Variants in SND1 observed in about 807,000 individuals in gnomAD.
SND1 encodes the protein staphylococcal nuclease domain-containing protein 1.
A neutral mutation model predicts 121.7 loss-of-function variants in SND1; 38 were observed. The ratio of observed to expected loss-of-function variants is 0.31; its 90% CI spans 0.24 to 0.41. The LOEUF (loss-of-function observed/expected upper bound fraction) is 0.41. Among genes scored for constraint, SND1 ranks in the 10% least tolerant of loss-of-function variants. The pLI is 1.00. For missense variants in SND1, 868 were observed against 1,184.6 expected, an observed-to-expected ratio of 0.73 and a Z score of 3.92; for synonymous variants, 401 against 447.4, an observed-to-expected ratio of 0.90 and a Z score of 1.31.
chr7:127,959,250 G>A (rs1161878946), intron 15 of SND1, among the ~76,000 whole-genome samples: 2 of 152,212 alleles, frequency 1.3e-5, no homozygotes, highest in African/African-American at 2.4e-5. Context: ...ACTCTGCAGT[G>A]TGCTAGCCAG....
chr7:127,919,390 CTT>C (rs1176354633), intron 14 of SND1, among the ~76,000 whole-genome samples: 1 of 152,102 alleles, frequency 6.6e-6, no homozygotes, highest in Non-Finnish European at 1.5e-5. Context: ...CATCAGATGT[CTT>C]TTAAATTTTT....
intron 2 of SND1, among the ~76,000 whole-genome samples, chr7:127,689,837 C>T (rs761671725): frequency 1.3e-5 from 2 of 151,892 alleles, no homozygotes; most frequent in Non-Finnish European, 2.9e-5. Flanking sequence ...TTTGGTTTTC[C>T]TCCTATTGTA....
rs1795980444 is a variant in SND1 at position 127,694,894 on chromosome 7, A to G, written c.295A>G (p.Ile99Val). The change falls in exon 3 of 24, where the codon ATA becomes GTA. Residue 99 changes from isoleucine (I) to valine (V), a missense_variant. Transcript: ENST00000354725. ...GATTGGGAAGGAAGTCTGTTTCACG[A>G]TAGAAAACAAGACTCCCCAGGGGCG... ...KLIGKEVCFT[I>V]ENKTPQGREY... 1.2e-6 allele frequency: 2 copies of G among 1,613,886 alleles called. No individual in the cohort carries two copies. The highest frequency in any genetic ancestry group is 2.7e-5 in the African/African-American group (2 of 74,926).
At chr7:127,825,680 A>G (rs960948906) in intron 11 of SND1, among the ~76,000 whole-genome samples, 4 of 151,822 alleles carry the variant, frequency 2.6e-5, no homozygotes, top group African/African-American at 9.7e-5. Context: ...GTGTGGGATT[A>G]CAGGCGTGAG....
At chr7:127,726,532 G>A (rs1047255009) in intron 10 of SND1, among the ~76,000 whole-genome samples, 1 of 152,186 alleles carries the variant, frequency 6.6e-6, no homozygotes, top group African/African-American at 2.4e-5. Context: ...GAAAGGCTGT[G>A]GGTTTTCTGA....
intron 16 of SND1, among the ~76,000 whole-genome samples, chr7:128,051,251 G>T (rs1169483913): frequency 1.3e-5 from 2 of 152,170 alleles, no homozygotes; most frequent in Non-Finnish European, 2.9e-5. Flanking sequence ...AAAGGCAGAG[G>T]CCCAGGAAAG....
chr7:127,773,748 A>C (rs1053047001), intron 10 of SND1, among the ~76,000 whole-genome samples: 2 of 152,130 alleles, frequency 1.3e-5, no homozygotes, highest in Non-Finnish European at 2.9e-5. Context: ...TTAAAATTCT[A>C]CTTTTTTGAA....
intron 10 of SND1, among the ~76,000 whole-genome samples, chr7:127,784,988 G>A (rs1181926354): frequency 6.6e-6 from 1 of 152,026 alleles, no homozygotes; most frequent in African/African-American, 2.4e-5. Context: ...GCACAATCAC[G>A]GCTTACTGTA....
intron 15 of SND1, among the ~76,000 whole-genome samples, chr7:127,958,802 C>A (rs546148723): frequency 6.6e-6 from 1 of 152,132 alleles, no homozygotes; most frequent in East Asian, 1.9e-4. Flanking sequence ...CACTGGACAA[C>A]TTTTGGGAGG....
At chr7:128,034,461 C>T (rs1047798446) in intron 16 of SND1, among the ~76,000 whole-genome samples, 1 of 152,144 alleles carries the variant, frequency 6.6e-6, no homozygotes, top group African/African-American at 2.4e-5. Flanking sequence ...GTCTGGATGG[C>T]AGCGATTAAG....
intron 12 of SND1, among the ~76,000 whole-genome samples, chr7:127,876,057 C>T (rs1799683545): frequency 1.3e-5 from 2 of 152,136 alleles, no homozygotes; most frequent in Non-Finnish European, 2.9e-5. Flanking sequence ...TAGAATAGTG[C>T]TCAGTAAACT....
chr7:127,800,071 A>T (rs1052321450), intron 10 of SND1, among the ~76,000 whole-genome samples: 1 of 152,314 alleles, frequency 6.6e-6, no homozygotes, highest in African/African-American at 2.4e-5. Flanking sequence ...TGTCTCCTGG[A>T]TGCCAAGGGA....
chr7:127,676,872 G>T (rs1795626283), intron 1 of SND1, among the ~76,000 whole-genome samples: 1 of 152,172 alleles, frequency 6.6e-6, no homozygotes, highest in African/African-American at 2.4e-5. Context: ...CTCCCAAGTA[G>T]CTGGGATTAC....
intron 2 of SND1, among the ~76,000 whole-genome samples, chr7:127,691,436 C>T (rs1431270408): frequency 4.6e-5 from 7 of 151,524 alleles, no homozygotes; most frequent in Non-Finnish European, 5.9e-5. Flanking sequence ...CCCGGCTACT[C>T]GGGAGGCTGA....
rs1160646146 is a variant in SND1 at position 128,029,695 on chromosome 7, G to T, written c.1779+38639G>T. The T allele has an allele frequency of 6.2e-7, 1 of 1,613,908 alleles. No individual in the cohort carries two copies. Among genetic ancestry groups the T allele is most frequent in the East Asian group, 2.2e-5 (1 of 44,874 alleles). On this transcript the variant is annotated intron_variant, in intron 16 of 23. Coordinates refer to ENST00000354725, the MANE Select transcript of SND1 (RefSeq NM_014390.4). The surrounding 1 kb of genome is among the most constrained non-coding windows in gnomAD (Gnocchi z 4.2). ...GTGGAATTGGTGGGTATATACTCTC[G>T]AAGCCACCAGGCTAGCCACAGAATG...
intron 16 of SND1, among the ~76,000 whole-genome samples, chr7:128,026,628 C>T (rs986817647): frequency 5.9e-5 from 9 of 152,218 alleles, no homozygotes; most frequent in Non-Finnish European, 1.0e-4. Flanking sequence ...AGCAACACTG[C>T]CTGTGGGAAA....
At chr7:127,706,253 C>CT (rs1796195305) in intron 8 of SND1, among the ~76,000 whole-genome samples, 2 of 31,522 alleles carry the variant, frequency 6.3e-5, no homozygotes, top group Non-Finnish European at 1.1e-4. Context: ...TGCCCCCCCT[C>CT]CCCCCCCCCA....
intron 10 of SND1, among the ~76,000 whole-genome samples, chr7:127,790,771 C>T (rs6467152): frequency 0.22 from 32,758 of 152,096 alleles, 4,258 homozygotes; most frequent in African/African-American, 0.37. Flanking sequence ...AATTCACAGA[C>T]GGCTTCCTGG....
At position 127,671,482 on chromosome 7, in the gene SND1, C is replaced by T. The variant is rs374273343; in HGVS notation, c.79-15131C>T. On this transcript the variant is annotated intron_variant, in intron 1 of 23. Coordinates refer to ENST00000354725, the MANE Select transcript of SND1 (RefSeq NM_014390.4). ...GATCAATACCTGACCTTGTTCTATG[C>T]GCACGCTCCTGGTTTATTTGTTTGT... Among the ~76,000 whole-genome samples, 25 of 152,244 alleles carry T rather than the reference C, an allele frequency of 1.6e-4. No individual in the cohort carries two copies. The East Asian group carries it at 2.5e-3, about 15-fold the overall frequency.
Sources: gnomAD v4.1 joint callset for allele counts (sites outside exome capture counted in the v4.1 genomes callset) on GRCh38, gnomAD v4.1.1 for gene constraint, Gnocchi (gnomAD v3.1) non-coding constraint, MANE v1.5 for transcripts, NCBI Gene and HGNC (gene_info 2026-07-23, HGNC 2026-07-21) for gene names.